The following PLCXD1 variants were observed in gnomAD, a reference collection of about 807,000 sequenced individuals.
The protein encoded by PLCXD1 is phosphatidylinositol specific phospholipase C X domain containing 1.
In PLCXD1, 45 loss-of-function variants were observed where a neutral mutation model predicts 37.8. The observed-to-expected ratio is 1.19, with a 90% CI of 0.94 to 1.53. PLCXD1 has a LOEUF of 1.53. PLCXD1 is among the 40% of genes most tolerant of loss of function. The pLI, the probability that PLCXD1 is intolerant of heterozygous loss-of-function variation, is 0.00. For synonymous variants in PLCXD1, 246 were observed against 206.9 expected (o/e 1.19, Z -1.62); for missense variants, 539 against 454.7 (o/e 1.19, Z -1.69).
At chrX:284,982 T>C (rs1417163075) in intron 2 of PLCXD1, among the ~76,000 whole-genome samples, 7 of 152,060 alleles carry the variant, frequency 4.6e-5, no homozygotes, top group Admixed American at 4.6e-4. Flanking sequence ...ACCAGGTCCC[T>C]CCCATGACAG....
At position 300,516 on chromosome X, in the gene PLCXD1, A is replaced by G. The variant is rs763478191; in HGVS notation, c.*1181A>G. On this transcript the variant is annotated 3_prime_UTR_variant, in exon 7 of 7. Transcript: ENST00000381657. ...TGTGTGTATATATGTATATGTGTGC[A>G]TATGTGTATACGTGTATGCATACAT... is the stretch of plus-strand genomic sequence containing the variant. 21 of 149,862 alleles carry G rather than the reference A, an allele frequency of 1.4e-4. No homozygotes were observed. Among genetic ancestry groups the G allele is most frequent in the African/African-American group, 4.5e-4 (18 of 40,064 alleles). The allele number at this position is 149,862 out of a possible 1,614,324, so 9.3% of individuals were successfully genotyped here. A position where few individuals can be genotyped will look rare whatever the true frequency, so the allele number is the denominator to read the frequency against.
At chrX:288,373 G>A (rs6603171) in intron 2 of PLCXD1, among the ~76,000 whole-genome samples, 53,966 of 147,448 alleles carry the variant, frequency 0.37, 10,405 homozygotes, top group East Asian at 0.55. Context: ...GCATCCCTGG[G>A]CTTGTGGCCG....
chrX:291,306 C>T (rs899268330), intron 4 of PLCXD1, among the ~76,000 whole-genome samples, 193 bp from the exon 5 acceptor site: 1 of 152,052 alleles, frequency 6.6e-6, no homozygotes, highest in Non-Finnish European at 1.5e-5. Flanking sequence ...ACACCACGCC[C>T]AGCTAATTTT....
chrX:285,528 C>T (rs1197318208), intron 2 of PLCXD1, among the ~76,000 whole-genome samples: 4 of 149,928 alleles, frequency 2.7e-5, no homozygotes, highest in East Asian at 2.0e-4. Flanking sequence ...CGTGTACACA[C>T]GTACATGCAT....
At chrX:286,877 G>C (rs2069463529) in intron 2 of PLCXD1, among the ~76,000 whole-genome samples, 1 of 152,024 alleles carries the variant, frequency 6.6e-6, no homozygotes, top group South Asian at 2.1e-4. Context: ...GGGGGCAGCA[G>C]GAGAAGTACT....
upstream of PLCXD1, among the ~76,000 whole-genome samples, chrX:279,321 C>T (rs1272101039): frequency 6.6e-6 from 1 of 152,220 alleles, no homozygotes; most frequent in Non-Finnish European, 1.5e-5. Flanking sequence ...GCCACCTGGA[C>T]GTATATGTGC....
chrX:279,190 G>A (rs2069211978), upstream of PLCXD1, among the ~76,000 whole-genome samples: 1 of 152,156 alleles, frequency 6.6e-6, no homozygotes, highest in Admixed American at 6.6e-5. Flanking sequence ...GCTAAGGTAG[G>A]GCAGGGAGAA....
chrX:282,232 C>T (rs1458138362), intron 1 of PLCXD1, among the ~76,000 whole-genome samples: 1 of 152,100 alleles, frequency 6.6e-6, no homozygotes, highest in African/African-American at 2.4e-5. Flanking sequence ...ATCTTACATA[C>T]ATTGCCGGGC....
In PLCXD1 at chrX:299,611, A is replaced by C; in HGVS notation, c.*276A>C. On this transcript the variant is annotated 3_prime_UTR_variant, in exon 7 of 7. Coordinates refer to ENST00000381657, the MANE Select transcript of PLCXD1 (RefSeq NM_018390.4). ...CATCTCTACTAAAAATACAAAACTT[A>C]GCTGGGTGTGTGGCAGGCGCCTGTA... is the stretch of plus-strand genomic sequence containing the variant. The C allele has an allele frequency of 1.8e-6, 1 of 546,516 alleles. No homozygotes were observed. Among genetic ancestry groups the C allele is most frequent in the Non-Finnish European group, 3.3e-6 (1 of 306,408 alleles). The allele number at this position is 546,516 out of a possible 1,614,324, so 33.9% of individuals were successfully genotyped here. A position where few individuals can be genotyped will look rare whatever the true frequency, so the allele number is the denominator to read the frequency against.
chrX:290,149 C>CG (rs1838260280), intron 3 of PLCXD1, among the ~76,000 whole-genome samples: 1 of 152,066 alleles, frequency 6.6e-6, no homozygotes, highest in Non-Finnish European at 1.5e-5. Context: ...TAGTAGAGGC[C>CG]GGGCGCGGTG....
chrX:285,766 G>C (rs1175223935), intron 2 of PLCXD1, among the ~76,000 whole-genome samples: 2 of 152,138 alleles, frequency 1.3e-5, no homozygotes, highest in African/African-American at 2.4e-5. Flanking sequence ...CATGCACACA[G>C]ATACGTATTG....
Position 293,085 on chromosome X carries a change from C to G in PLCXD1, c.600C>G (p.Val200=), listed in dbSNP as rs2069688468. The change falls in exon 6 of 7, where the codon GTC becomes GTG. Residue 200 remains valine, a synonymous_variant. Transcript: ENST00000381657. ...QLWSRGQQVI[V]SYEDESSLRR... is the part of the protein sequence containing the mutation. The stretch of plus-strand genomic sequence containing the variant: ...GGTCCCGGGGCCAACAGGTCATCGT[C>G]TCCTATGAAGACGAGAGCTCCTTGC... The G allele has an allele frequency of 1.2e-6, 2 of 1,611,730 alleles. No individual in the cohort carries two copies. Among genetic ancestry groups the G allele is most frequent in the Admixed American group, 1.7e-5 (1 of 59,984 alleles).
At chrX:285,496 G>A (rs1414754736) in intron 2 of PLCXD1, among the ~76,000 whole-genome samples, 2 of 151,870 alleles carry the variant, frequency 1.3e-5, no homozygotes, top group East Asian at 1.9e-4. Flanking sequence ...GCAGAGACAC[G>A]TCTATGCAAT....
intron 2 of PLCXD1, among the ~76,000 whole-genome samples, chrX:286,114 G>T (rs28405402): frequency 1.6e-4 from 24 of 151,640 alleles, no homozygotes; most frequent in African/African-American, 5.3e-4. Context: ...GCCCAGGCTC[G>T]AGTGCAGTGG....
intron 2 of PLCXD1, among the ~76,000 whole-genome samples, chrX:285,107 TACAC>T (rs766265398): frequency 4.5e-4 from 61 of 134,744 alleles, no homozygotes; most frequent in Middle Eastern, 3.6e-3. Flanking sequence ...GACACATACA[TACAC>T]ACACACATGC....
At chrX:296,880 T>TA (rs2069828067) in intron 6 of PLCXD1, among the ~76,000 whole-genome samples, 8 of 111,930 alleles carry the variant, frequency 7.1e-5, no homozygotes, top group African/African-American at 1.7e-4. Context: ...TTATTCTGTC[T>TA]CCCACATGGG....
chrX:283,931 G>C, intron 1 of PLCXD1: 1 of 410,328 alleles, frequency 2.4e-6, no homozygotes, highest in South Asian at 3.9e-5. Flanking sequence ...GCCCAGCCTG[G>C]AGTGCAGTGG....
At chrX:282,064 C>A (rs2069290635) in intron 1 of PLCXD1, among the ~76,000 whole-genome samples, 1 of 152,098 alleles carries the variant, frequency 6.6e-6, no homozygotes, top group African/African-American at 2.4e-5. Context: ...GGTCTCATTT[C>A]TAAGAGGAGG....
At chrX:284,751 A>G (rs899808392) in intron 2 of PLCXD1, among the ~76,000 whole-genome samples, 1 of 137,784 alleles carries the variant, frequency 7.3e-6, no homozygotes, top group African/African-American at 2.7e-5. Flanking sequence ...AGACTGGGTA[A>G]TTTATAAAAG....
Sources: allele counts gnomAD v4.1 joint callset (sites outside exome capture counted in the v4.1 genomes callset), GRCh38; gene constraint gnomAD v4.1.1; transcripts MANE v1.5; gene names NCBI Gene and HGNC (gene_info 2026-07-23, HGNC 2026-07-21).